SYNJ1: variants seen among roughly 807,000 people sequenced by gnomAD.
The protein encoded by SYNJ1 is polyphosphatidylinositol phosphatase SYNJ1.
In SYNJ1, 78 loss-of-function variants were observed where a neutral mutation model predicts 168.2. The observed-to-expected ratio is 0.46, with a 90% confidence interval of 0.39 to 0.56. The LOEUF (loss-of-function observed/expected upper bound fraction) is 0.56, where lower values mean the gene tolerates loss of function less well. Ranked by LOEUF, SYNJ1 falls within the 20% of genes least tolerant of loss-of-function variation. The pLI is 0.00. For synonymous variants in SYNJ1, 539 were observed against 548.6 expected (o/e 0.98, Z 0.24); for missense variants, 1,303 against 1,597.6 (o/e 0.82, Z 3.14).
At chr21:32,682,072 GA>G (rs557121925) in intron 10 of SYNJ1, among the ~76,000 whole-genome samples, 2 of 151,744 alleles carry the variant, frequency 1.3e-5, no homozygotes, top group South Asian at 2.1e-4. Context: ...TAAAAAAAAT[GA>G]AAAAAAGGAG....
Position 32,676,242 on chromosome 21 carries a change from A to C in SYNJ1, c.1534+90T>G. On this transcript the variant is annotated intron_variant, in intron 13 of 32. Transcript: ENST00000674351. ...CTGATGGCAAAATGAGAAAGTTTCC[A>C]ATTATATGGCTTTATTTGTTTACAA... is the stretch of plus-strand genomic sequence containing the variant. The C allele has an allele frequency of 2.9e-6, 3 of 1,040,996 alleles. No homozygotes were observed. In the East Asian group the frequency reaches 8.3e-5, roughly 29 times the overall value. The allele number at this position is 1,040,996 out of a possible 1,614,324, so 64.5% of individuals were successfully genotyped here.
Position 32,666,075 on chromosome 21 carries a change from T to C in SYNJ1, c.2013A>G (p.Ala671=), listed in dbSNP as rs2040917891. The C allele has an allele frequency of 6.2e-7, 1 of 1,613,876 alleles. No homozygotes were observed. The highest frequency in any genetic ancestry group is 1.3e-5 in the African/African-American group (1 of 74,936). ...TATGGAAGAGCATTCGGATTGCAAC[T>C]GCTCCCTTATTTCCAGTTGCACCTC... ...GMGGATGNKG[A]VAIRMLFHTT... Residue 671 remains alanine, a synonymous_variant, in exon 17 of 33, where the codon GCA becomes GCG. Transcript: ENST00000674351.
chr21:32,631,446 G>A lies in SYNJ1; in HGVS notation c.*359C>T. 1 of 1,614,174 alleles carries A rather than the reference G, an allele frequency of 6.2e-7. No homozygotes were observed. Among genetic ancestry groups the A allele is most frequent in the Non-Finnish European group, 8.5e-7 (1 of 1,180,024 alleles). ...TTTGGAGAACCATGAAGTTGCCTCTGATTCTTCAGACTTGGCTCTAAATGG... is the reference window on the plus strand; with the variant it reads ...TTTGGAGAACCATGAAGTTGCCTCTAATTCTTCAGACTTGGCTCTAAATGG... On this transcript the variant is annotated 3_prime_UTR_variant, in exon 33 of 33. Coordinates refer to ENST00000674351, the MANE Select transcript of SYNJ1 (RefSeq NM_203446.3).
chr21:32,727,868 G>A, intron 1 of SYNJ1, 78 bp downstream of exon 1: 5 of 1,520,380 alleles, frequency 3.3e-6, no homozygotes, highest in Non-Finnish European at 4.4e-6. Context: ...GGCAGAGACT[G>A]GTCTTGGAGG....
At chr21:32,685,181 CA>C (rs553002012) in intron 9 of SYNJ1, among the ~76,000 whole-genome samples, 537 of 57,696 alleles carry the variant, frequency 9.3e-3, no homozygotes, top group African/African-American at 0.024. Flanking sequence ...GACTCCGTCT[CA>C]AAAAAAAAAA....
chr21:32,700,171 T>C, intron 3 of SYNJ1, 66 bp from the exon 4 acceptor site: 1 of 1,498,420 alleles, frequency 6.7e-7, no homozygotes. Flanking sequence ...CATTTCTTCT[T>C]GCACCTCTAT....
At chr21:32,643,334 C>A (rs939241973) in intron 27 of SYNJ1, 76 bp downstream of exon 27, 1 of 1,456,634 alleles carries the variant, frequency 6.9e-7, no homozygotes. Context: ...GCAAACACTG[C>A]GGGGTGGGGA....
At chr21:32,639,174 GT>G (rs755797868) in intron 30 of SYNJ1, 49 bp from the exon 31 acceptor site, 1 of 1,512,844 alleles carries the variant, frequency 6.6e-7, no homozygotes, top group Non-Finnish European at 9.0e-7. Context: ...AGAAAACCAT[GT>G]TTTTTTCCTT....
chr21:32,663,713 C>T (rs543382100), intron 18 of SYNJ1, among the ~76,000 whole-genome samples: 8 of 152,252 alleles, frequency 5.3e-5, no homozygotes, highest in Middle Eastern at 6.8e-3. Context: ...CAAGATGGCT[C>T]GTGGGGATAC....
chr21:32,689,784 A>G (rs1017752738), intron 6 of SYNJ1, among the ~76,000 whole-genome samples: 1 of 152,256 alleles, frequency 6.6e-6, no homozygotes, highest in South Asian at 2.1e-4. Flanking sequence ...TATTCTGATA[A>G]CCAGGGGATT....
intron 23 of SYNJ1, among the ~76,000 whole-genome samples, chr21:32,647,717 C>G (rs1357173015): frequency 2.0e-5 from 3 of 152,186 alleles, no homozygotes. Context: ...GACATAACCC[C>G]ATCCCTGCAC....
intron 12 of SYNJ1, among the ~76,000 whole-genome samples, chr21:32,676,933 G>A (rs1357761650): frequency 6.6e-6 from 1 of 152,070 alleles, no homozygotes; most frequent in Admixed American, 6.6e-5. Flanking sequence ...CAAAAAAGAT[G>A]GGAACCTCAT....
intron 22 of SYNJ1, among the ~76,000 whole-genome samples, chr21:32,650,893 T>C (rs941255334): frequency 6.6e-6 from 1 of 152,220 alleles, no homozygotes; most frequent in East Asian, 1.9e-4. Flanking sequence ...CTGAACACCA[T>C]TTTAAATCTT....
chr21:32,668,089 G>A (rs1335193515), intron 15 of SYNJ1, among the ~76,000 whole-genome samples: 1 of 151,768 alleles, frequency 6.6e-6, no homozygotes, highest in Non-Finnish European at 1.5e-5. Context: ...ATTTGAGACA[G>A]AGTCTTGCTC....
intron 2 of SYNJ1, among the ~76,000 whole-genome samples, chr21:32,718,657 C>A (rs1180926383): frequency 6.7e-6 from 1 of 149,490 alleles, no homozygotes; most frequent in Non-Finnish European, 1.5e-5. Context: ...CAGCGTTTGG[C>A]AATTAAAAAA....
Position 32,664,963 on chromosome 21 carries a change from C to T in SYNJ1, c.2254G>A (p.Asp752Asn), listed in dbSNP as rs145978776. The change falls in exon 18 of 33, where the codon GAT becomes AAT. Residue 752 changes from aspartate to asparagine, a missense_variant. Physicochemically the swap from Asp to Asn is conservative, Grantham distance 23. This residue lies in a region of SYNJ1 where 920 missense variants were observed against 1,208.8 expected (regional missense o/e 0.76). Coordinates refer to ENST00000674351, the MANE Select transcript of SYNJ1 (RefSeq NM_203446.3). The stretch of plus-strand genomic sequence containing the variant: ...AGTTGATCTCCTGCTATAAGAGAAT[C>T]CCAATTTTGCTGTCTTATGAGCTCT... ...VKELIRQQNW[D>N]SLIAGDQLIN... The T allele has an allele frequency of 6.2e-7, 1 of 1,613,206 alleles. No individual in the cohort carries two copies. The highest frequency in any genetic ancestry group is 8.5e-7 in the Non-Finnish European group (1 of 1,179,534).
chr21:32,710,636 C>T (rs1028065433), intron 2 of SYNJ1, among the ~76,000 whole-genome samples: 6 of 152,168 alleles, frequency 3.9e-5, no homozygotes, highest in Admixed American at 6.5e-5. Context: ...GCGATTCTCC[C>T]GCCTCAACCT....
chr21:32,654,820 T>G (rs2040399944), intron 21 of SYNJ1, among the ~76,000 whole-genome samples: 1 of 152,214 alleles, frequency 6.6e-6, no homozygotes, highest in Non-Finnish European at 1.5e-5. Context: ...CCATACACAT[T>G]TCCAGGGAAC....
rs1569092541 is a variant in SYNJ1, at chr21:32,685,902, A to T, written c.964T>A (p.Ser322Thr). 2 of 1,605,016 alleles carry T rather than the reference A, an allele frequency of 1.2e-6. No homozygotes were observed. The highest frequency in any genetic ancestry group is 8.5e-7 in the Non-Finnish European group (1 of 1,177,044). The change falls in exon 9 of 33, where the codon TCT (serine) becomes ACT (threonine). Residue 322 changes from serine to threonine, a missense_variant. This residue lies in a region of SYNJ1 where 920 missense variants were observed against 1,208.8 expected (regional missense o/e 0.76). Coordinates refer to ENST00000674351, the MANE Select transcript of SYNJ1 (RefSeq NM_203446.3). ...SKAFQSHLKA[S>T]EHAADIQMVN... ...ATCTGGATATCAGCAGCATGTTCAG[A>T]AGCTTTCAAATGACTCTGAAAGTAA...
Sources: gnomAD v4.1 joint callset for allele counts (sites outside exome capture counted in the v4.1 genomes callset) on GRCh38, gnomAD v4.1.1 for gene constraint, gnomAD v4.1.1 regional missense constraint, MANE v1.5 for transcripts, NCBI Gene and HGNC (gene_info 2026-07-23, HGNC 2026-07-21) for gene names.